The following FAM78B variants were observed in gnomAD, a reference collection of about 807,000 sequenced individuals.
The protein encoded by FAM78B is protein FAM78B.
In FAM78B, 10 loss-of-function variants were observed where a neutral mutation model predicts 20.0. The ratio of observed to expected loss-of-function variants is 0.50; its 90% CI spans 0.31 to 0.85. The LOEUF (loss-of-function observed/expected upper bound fraction) is 0.85, where lower values mean the gene tolerates loss of function less well. Ranked by LOEUF, FAM78B falls within the 40% of genes least tolerant of loss-of-function variation. FAM78B has a pLI of 0.05. For missense variants in FAM78B, 283 were observed against 345.0 expected (o/e 0.82, Z 1.42); for synonymous variants, 135 against 132.8 (o/e 1.02, Z -0.12).
At chr1:166,114,104 A>G (rs1654170063) in intron 1 of FAM78B, among the ~76,000 whole-genome samples, 1 of 152,314 alleles carries the variant, frequency 6.6e-6, no homozygotes, top group Non-Finnish European at 1.5e-5. Flanking sequence ...TGTTCAGCCA[A>G]AGGCCTCCTC....
chr1:166,114,005 C>A (rs1283186858), intron 1 of FAM78B, among the ~76,000 whole-genome samples: 1 of 152,190 alleles, frequency 6.6e-6, no homozygotes, highest in Non-Finnish European at 1.5e-5. Flanking sequence ...GGCCCACTAA[C>A]CTGAAGACAC....
chr1:166,097,448 C>T (rs1245030221), intron 1 of FAM78B, among the ~76,000 whole-genome samples: 2 of 152,182 alleles, frequency 1.3e-5, no homozygotes, highest in Admixed American at 1.3e-4. Context: ...AGCTGAGAGG[C>T]AGATAGCCAG....
At chr1:166,112,185 G>A (rs773898962) in intron 1 of FAM78B, among the ~76,000 whole-genome samples, 1 of 152,156 alleles carries the variant, frequency 6.6e-6, no homozygotes, top group African/African-American at 2.4e-5. Flanking sequence ...ATTTACCAGG[G>A]ATTAGCCTTC....
chr1:166,126,894 C>A (rs886080479), intron 1 of FAM78B, among the ~76,000 whole-genome samples: 1 of 152,138 alleles, frequency 6.6e-6, no homozygotes, highest in Non-Finnish European at 1.5e-5. Context: ...TGCATCCTAA[C>A]GCTAACACAT....
At chr1:166,130,357 A>T (rs529865897) in intron 1 of FAM78B, among the ~76,000 whole-genome samples, 15 of 152,360 alleles carry the variant, frequency 9.8e-5, no homozygotes, top group Non-Finnish European at 2.1e-4. Context: ...ATAGACAATC[A>T]GAGAAGACTG....
At chr1:166,064,483 C>A (rs866749089), downstream of FAM78B, among the ~76,000 whole-genome samples, 11 of 152,152 alleles carry the variant, frequency 7.2e-5, no homozygotes, top group African/African-American at 2.7e-4. Flanking sequence ...GCCTCCTTTC[C>A]TTTCCAAAAG....
chr1:166,089,047 G>A (rs1652955911), intron 1 of FAM78B, among the ~76,000 whole-genome samples: 1 of 152,232 alleles, frequency 6.6e-6, no homozygotes, highest in East Asian at 1.9e-4. Flanking sequence ...CTGCCTCAGA[G>A]CCTCGGCAGA....
intron 1 of FAM78B, among the ~76,000 whole-genome samples, chr1:166,110,556 AC>A (rs1654010715): frequency 6.6e-6 from 1 of 152,174 alleles, no homozygotes; most frequent in African/African-American, 2.4e-5. Context: ...AGTTAACTTC[AC>A]CACTGCTTTC....
chr1:166,104,312 C>G (rs534910680), intron 1 of FAM78B, among the ~76,000 whole-genome samples: 1 of 152,292 alleles, frequency 6.6e-6, no homozygotes, highest in South Asian at 2.1e-4. Context: ...GATGCCCTCT[C>G]TCACCAGTCC....
chr1:166,094,037 G>C (rs904672043), intron 1 of FAM78B, among the ~76,000 whole-genome samples: 4 of 147,924 alleles, frequency 2.7e-5, no homozygotes, highest in Middle Eastern at 3.5e-3. Context: ...GTGTGTGTGT[G>C]TGTGTGTGTG....
intron 1 of FAM78B, among the ~76,000 whole-genome samples, chr1:166,152,659 T>G (rs2016473): frequency 0.011 from 1,210 of 114,798 alleles, 21 homozygotes; most frequent in East Asian, 0.05. Flanking sequence ...ACTCTGGATT[T>G]ATTTATTTAT....
At chr1:166,149,489 T>C (rs923342385) in intron 1 of FAM78B, among the ~76,000 whole-genome samples, 11 of 152,228 alleles carry the variant, frequency 7.2e-5, no homozygotes, top group Non-Finnish European at 1.3e-4. Flanking sequence ...CAGTATCAGC[T>C]ACTTAAAGGG....
chr1:166,152,098 G>A (rs2101798762), intron 1 of FAM78B, among the ~76,000 whole-genome samples: 1 of 152,324 alleles, frequency 6.6e-6, no homozygotes, highest in Non-Finnish European at 1.5e-5. Context: ...AGCAGCCCAG[G>A]CACTGGCCAG....
chr1:166,121,521 T>G (rs954071416), intron 1 of FAM78B, among the ~76,000 whole-genome samples: 27 of 152,234 alleles, frequency 1.8e-4, no homozygotes, highest in African/African-American at 6.5e-4. Flanking sequence ...CCTTCAGAGC[T>G]CCATACCCTG....
rs577380599 is a variant in FAM78B, at chr1:166,151,109, T to C, written c.263+14877A>G. Among the ~76,000 whole-genome samples the C allele has an allele frequency of 3.3e-5, 5 of 152,238 alleles. No individual in the cohort carries two copies. In the South Asian group the frequency reaches 6.2e-4, roughly 19 times the overall value. On this transcript the variant is annotated intron_variant, in intron 1 of 1. Coordinates refer to ENST00000354422, the MANE Select transcript of FAM78B (RefSeq NM_001017961.5). The stretch of plus-strand genomic sequence containing the variant: ...ATAGAGGATGGCATCAGAGAAGAAT[T>C]TGAACACTTGAGACTGGAAACAAAT...
In FAM78B at chr1:166,092,796, G is replaced by C. The variant is rs142721079; in HGVS notation, c.264-22033C>G. On this transcript the variant is annotated intron_variant, in intron 1 of 1. Transcript: ENST00000354422. ...TAGTTAGTTATTTTTGTGTGATACA[G>C]TGAGAGTAAAAGAGGCCTTCAGAAA... Among the ~76,000 whole-genome samples, 286 of 152,340 alleles carry C rather than the reference G, an allele frequency of 1.9e-3. 1 individual carries two copies. The highest frequency in any genetic ancestry group is 6.5e-3 in the African/African-American group (270 of 41,578).
chr1:166,102,483 C>T (rs944706257), intron 1 of FAM78B, among the ~76,000 whole-genome samples: 8 of 152,092 alleles, frequency 5.3e-5, no homozygotes, highest in African/African-American at 1.9e-4. Context: ...TAGAGACAAA[C>T]ATAGGCTCAA....
intron 1 of FAM78B, among the ~76,000 whole-genome samples, chr1:166,105,981 AT>A (rs1388382293): frequency 2.0e-5 from 3 of 152,068 alleles, no homozygotes; most frequent in Non-Finnish European, 2.9e-5. Flanking sequence ...GATAGACTGG[AT>A]TAACAAAATG....
intron 1 of FAM78B, among the ~76,000 whole-genome samples, chr1:166,080,222 C>T (rs994216673): frequency 1.1e-4 from 17 of 152,190 alleles, no homozygotes; most frequent in African/African-American, 4.1e-4. Flanking sequence ...AGCTGATACA[C>T]ACTGCTATGA....
Sources: gnomAD v4.1 joint callset for allele counts (sites outside exome capture counted in the v4.1 genomes callset) on GRCh38, gnomAD v4.1.1 for gene constraint, MANE v1.5 for transcripts, NCBI Gene and HGNC (gene_info 2026-07-23, HGNC 2026-07-21) for gene names.